The following PGAP2 variants were observed in gnomAD, a reference collection of about 807,000 sequenced individuals.
PGAP2 encodes acyltransferase PGAP2.
PGAP2 carries 21 observed loss-of-function variants against 33.2 expected under a neutral mutation model. The ratio of observed to expected loss-of-function variants is 0.63; its 90% CI spans 0.45 to 0.91. The LOEUF (loss-of-function observed/expected upper bound fraction) is 0.91, where lower values mean the gene tolerates loss of function less well. PGAP2 is among the 40% of genes least tolerant of loss of function. The probability of loss-of-function intolerance (pLI) is 0.00; values close to 1 mark genes in which losing one functional copy is unlikely to be tolerated. For synonymous variants in PGAP2, 161 were observed against 172.9 expected (o/e 0.93, Z 0.54); for missense variants, 345 against 424.0 (o/e 0.81, Z 1.64).
At chr11:3,817,650 G>T in intron 3 of PGAP2, 115 bp downstream of exon 3, 1 of 861,664 alleles carries the variant, frequency 1.2e-6, no homozygotes. Context: ...GGGACAAGGG[G>T]ATGGGGGAAG....
intron 5 of PGAP2, 196 bp from the exon 6 acceptor site, chr11:3,824,824 C>T (rs920303523): frequency 1.5e-5 from 21 of 1,436,310 alleles, no homozygotes; most frequent in African/African-American, 1.0e-4. Flanking sequence ...CACTGCTCCT[C>T]GGCCCATCAC....
At chr11:3,803,800 T>A (rs1055827602), upstream of PGAP2, among the ~76,000 whole-genome samples, 224 of 151,040 alleles carry the variant, frequency 1.5e-3, no homozygotes, top group African/African-American at 4.3e-3. Flanking sequence ...TATATATATT[T>A]TTTTTTTTGA....
rs547423675 is a variant in PGAP2, at chr11:3,813,765, A to G, written c.165+2341A>G. On this transcript the variant is annotated intron_variant, in intron 2 of 6. Transcript: ENST00000278243. ...GGAAGGCATGGTATAAGTCAATCAT[A>G]GTCCAAGCAAAATTATAATATTTGT... is the stretch of plus-strand genomic sequence containing the variant. 5.9e-5 allele frequency among the ~76,000 whole-genome samples: 9 copies of G among 152,326 alleles called. No homozygotes were observed. In the South Asian group the frequency reaches 8.3e-4, roughly 14 times the overall value.
At chr11:3,812,066 C>A (rs1565001436) in intron 2 of PGAP2, among the ~76,000 whole-genome samples, 1 of 151,844 alleles carries the variant, frequency 6.6e-6, no homozygotes, top group Non-Finnish European at 1.5e-5. Context: ...AGTCCCGTGG[C>A]CTCTAAGATT....
At chr11:3,806,983 T>A (rs2084472437), upstream of PGAP2, among the ~76,000 whole-genome samples, 1 of 148,170 alleles carries the variant, frequency 6.7e-6, no homozygotes, top group Non-Finnish European at 1.5e-5. Context: ...ATCGTGGCAC[T>A]GCACTCTAGC....
At chr11:3,815,372 G>A (rs1338903288) in intron 2 of PGAP2, among the ~76,000 whole-genome samples, 1 of 150,486 alleles carries the variant, frequency 6.6e-6, no homozygotes. Context: ...GCAATGGCAC[G>A]ATCTCGGCTT....
intron 1 of PGAP2, among the ~76,000 whole-genome samples, chr11:3,810,818 C>A (rs1355120403): frequency 6.6e-6 from 1 of 152,180 alleles, no homozygotes; most frequent in African/African-American, 2.4e-5. Context: ...GATGAGAGGC[C>A]TTGAAGCCTG....
At chr11:3,808,471 G>T, upstream of PGAP2, 3 of 1,454,888 alleles carry the variant, frequency 2.1e-6, no homozygotes, top group South Asian at 4.0e-5. Flanking sequence ...AGGGGTCGGG[G>T]TCTCCAGAAG....
Position 3,824,076 on chromosome 11 carries a change from A to G in PGAP2, c.542A>G (p.Asn181Ser), listed in dbSNP as rs780574277. 1.6e-5 allele frequency: 26 copies of G among 1,613,976 alleles called. No individual in the cohort carries two copies. The highest frequency in any genetic ancestry group is 1.9e-5 in the Non-Finnish European group (22 of 1,180,022). ...CTCTGCCGCCTCAACTTCGGCCTCA[A>G]TGTCGTGGAGAACCTCGCGTTGCTA... Reference protein sequence around the residue: ...RPLCRLNFGLNVVENLALLVL... With the variant: ...RPLCRLNFGLSVVENLALLVL... Residue 181 changes from asparagine (N) to serine (S), a missense_variant, in exon 4 of 7, where the codon AAT becomes AGT. Around this residue, in one of 2 missense-constraint regions of PGAP2, gnomAD observed 311 missense variants for 353.6 expected, o/e 0.88. Coordinates refer to ENST00000278243, the MANE Select transcript of PGAP2 (RefSeq NM_014489.4).
chr11:3,814,945 C>A (rs1461131727), intron 2 of PGAP2, among the ~76,000 whole-genome samples: 1 of 120,692 alleles, frequency 8.3e-6, no homozygotes, highest in Non-Finnish European at 1.7e-5. Flanking sequence ...CCTTTCTTTT[C>A]TTTTCTTTTT....
chr11:3,803,911 C>T (rs1443513539), upstream of PGAP2, among the ~76,000 whole-genome samples: 2 of 152,058 alleles, frequency 1.3e-5, no homozygotes, highest in Non-Finnish European at 2.9e-5. Flanking sequence ...GTGCCTCAGC[C>T]TTCCTAGTAG....
exon 1 of PGAP2, chr11:3,797,931 C>T: frequency 6.5e-7 from 1 of 1,548,284 alleles, no homozygotes. Context: ...AGCGCCGCGA[C>T]TCGGGCTGAG....
intron 1 of PGAP2, among the ~76,000 whole-genome samples, chr11:3,799,253 T>C (rs574088129): frequency 1.8e-4 from 28 of 152,290 alleles, no homozygotes; most frequent in African/African-American, 6.7e-4. Flanking sequence ...GCAAAGCGTA[T>C]ACTGGCCGGG....
chr11:3,811,155 A>C lies in PGAP2; in HGVS notation c.-10-95A>C, dbSNP rs1486037819. ...CCTCAGACTCCCCACCCCACAGCAC[A>C]CAGCTAATTTTAGGACTGAGCACAA... On this transcript the variant is annotated intron_variant, in intron 1 of 6. Transcript: ENST00000278243. The surrounding 1 kb of genome is among the most constrained non-coding windows in gnomAD (Gnocchi z 4.6). 1.0e-5 allele frequency: 12 copies of C among 1,183,174 alleles called. No homozygotes were observed. Among genetic ancestry groups the C allele is most frequent in the Admixed American group, 2.1e-5 (1 of 47,262 alleles). 73.3% of individuals were successfully genotyped at this position (1,183,174 alleles called of 1,614,324 possible). A position where few individuals can be genotyped will look rare whatever the true frequency, so the allele number is the denominator to read the frequency against.
Position 3,825,497 on chromosome 11 carries a change from C to T in PGAP2, c.*39C>T. 1.3e-6 allele frequency: 2 copies of T among 1,599,060 alleles called. No homozygotes were observed. The highest frequency in any genetic ancestry group is 1.7e-6 in the Non-Finnish European group (2 of 1,173,222). On this transcript the variant is annotated 3_prime_UTR_variant, in exon 7 of 7. Coordinates refer to ENST00000278243, the MANE Select transcript of PGAP2 (RefSeq NM_014489.4). ...GCTTGGGAGGACGCAGCCCACTGCC[C>T]AGAAACAAGAAACACGATACCATTC...
chr11:3,823,710 A>G (rs767603760), intron 3 of PGAP2, 173 bp from the exon 4 acceptor site: 2 of 1,594,282 alleles, frequency 1.3e-6, no homozygotes. Context: ...CTTTGGGCCT[A>G]GGACCTGGAA....
intron 1 of PGAP2, among the ~76,000 whole-genome samples, chr11:3,800,548 A>G (rs1239629473): frequency 6.6e-6 from 1 of 152,174 alleles, no homozygotes; most frequent in Non-Finnish European, 1.5e-5. Flanking sequence ...GGGATGGCTC[A>G]CGCCTGTAAT....
intron 2 of PGAP2, among the ~76,000 whole-genome samples, chr11:3,813,339 C>T (rs2086016156): frequency 1.3e-5 from 2 of 152,026 alleles, no homozygotes; most frequent in Admixed American, 1.3e-4. Flanking sequence ...ACCTCAGACT[C>T]CTGAGTAGTT....
rs1304341358 is a variant in PGAP2 at position 3,811,029 on chromosome 11, T to C, written c.-10-221T>C. Among the ~76,000 whole-genome samples, 1 of 152,212 alleles carries C rather than the reference T, an allele frequency of 6.6e-6. No homozygotes were observed. Among genetic ancestry groups the C allele is most frequent in the Non-Finnish European group, 1.5e-5 (1 of 68,030 alleles). ...AGCTTTATCCTAGCACAGATTTGGT[T>C]CATTGTCTTCCCTCTGAAATTGAGG... On this transcript the variant is annotated intron_variant, in intron 1 of 6. Coordinates refer to ENST00000278243, the MANE Select transcript of PGAP2 (RefSeq NM_014489.4). The surrounding 1 kb of genome is among the most constrained non-coding windows in gnomAD (Gnocchi z 4.6).
Sources: gnomAD v4.1 joint callset for allele counts (sites outside exome capture counted in the v4.1 genomes callset) on GRCh38, gnomAD v4.1.1 for gene constraint, gnomAD v4.1.1 regional missense constraint, Gnocchi (gnomAD v3.1) non-coding constraint, MANE v1.5 for transcripts, NCBI Gene and HGNC (gene_info 2026-07-23, HGNC 2026-07-21) for gene names.